Variants in LINGO2 observed in about 807,000 individuals in gnomAD.
LINGO2 encodes the protein leucine rich repeat and Ig domain containing 2.
A neutral mutation model predicts 30.6 loss-of-function variants in LINGO2; 14 were observed. The observed-to-expected ratio is 0.46, with a 90% CI of 0.30 to 0.72. LINGO2 has a LOEUF of 0.72. LINGO2 is among the 30% of genes least tolerant of loss of function. The probability of loss-of-function intolerance (pLI) is 0.07; values close to 1 mark genes in which losing one functional copy is unlikely to be tolerated. For missense variants in LINGO2, 729 were observed against 751.7 expected (o/e 0.97, Z 0.35); for synonymous variants, 317 against 288.5 (o/e 1.10, Z -1.00).
chr9:28,773,038 A>G, the LINGO2 span, among the ~76,000 whole-genome samples: 1 of 152,142 alleles, frequency 6.6e-6, no homozygotes, highest in African/African-American at 2.4e-5. Flanking sequence ...TGAAATGCTC[A>G]GTTAGGTTAG....
At chr9:28,884,755 TTATA>T in the LINGO2 span, among the ~76,000 whole-genome samples, 3 of 74,356 alleles carry the variant, frequency 4.0e-5, no homozygotes. Flanking sequence ...CACATACACA[TTATA>T]TATAGTGTGT....
the LINGO2 span, among the ~76,000 whole-genome samples, chr9:29,070,308 G>A: frequency 6.6e-6 from 1 of 152,006 alleles, no homozygotes; most frequent in Non-Finnish European, 1.5e-5. Context: ...CTTCATCAGG[G>A]AACAATATCA....
At chr9:29,177,739 A>G in the LINGO2 span, among the ~76,000 whole-genome samples, 1 of 152,168 alleles carries the variant, frequency 6.6e-6, no homozygotes, top group Non-Finnish European at 1.5e-5. Context: ...ATTTAGGTTG[A>G]GGATAAAAGG....
chr9:27,942,350 A>G, the LINGO2 span: 1 of 151,910 alleles, frequency 6.6e-6, no homozygotes, highest in Non-Finnish European at 1.5e-5. Flanking sequence ...AAATATTTTT[A>G]TACGACTCCG....
At chr9:28,309,303 A>G (rs954784716) in intron 3 of LINGO2, among the ~76,000 whole-genome samples, 3 of 152,102 alleles carry the variant, frequency 2.0e-5, no homozygotes, top group Non-Finnish European at 4.4e-5. Context: ...GAAATTGGAA[A>G]TCCTCATTCT....
the LINGO2 span, among the ~76,000 whole-genome samples, chr9:28,862,546 T>C: frequency 6.6e-6 from 1 of 152,108 alleles, no homozygotes; most frequent in East Asian, 1.9e-4. Context: ...CCCAACCTTA[T>C]AGAGCATATG....
intron 4 of LINGO2, among the ~76,000 whole-genome samples, chr9:28,168,673 T>A (rs997574152): frequency 6.6e-6 from 1 of 152,260 alleles, no homozygotes; most frequent in Non-Finnish European, 1.5e-5. Context: ...ATATGACGCA[T>A]ATTGCTCTAA....
At chr9:28,154,643 C>A (rs907571761) in intron 4 of LINGO2, among the ~76,000 whole-genome samples, 6 of 152,296 alleles carry the variant, frequency 3.9e-5, no homozygotes, top group East Asian at 1.9e-4. Context: ...TAAAGAATGA[C>A]AGTGTGCAAT....
At chr9:28,573,205 TAAGTA>T (rs1157027676) in intron 1 of LINGO2, among the ~76,000 whole-genome samples, 3 of 152,154 alleles carry the variant, frequency 2.0e-5, no homozygotes, top group African/African-American at 4.8e-5. Context: ...GTCAGTCACA[TAAGTA>T]AAGAGAAGGT....
intron 1 of LINGO2, among the ~76,000 whole-genome samples, chr9:28,641,738 G>C (rs72715222): frequency 0.021 from 3,218 of 152,252 alleles, 67 homozygotes; most frequent in Non-Finnish European, 0.032. Context: ...TCAAAATCAG[G>C]GTTATGGGCA....
intron 1 of LINGO2, among the ~76,000 whole-genome samples, chr9:28,559,948 C>G (rs1822953654): frequency 6.6e-6 from 1 of 152,002 alleles, no homozygotes; most frequent in Non-Finnish European, 1.5e-5. Flanking sequence ...TATTCTCCAA[C>G]ATCTGTACAT....
chr9:28,554,401 AAGG>A (rs1421481853), intron 1 of LINGO2, among the ~76,000 whole-genome samples: 2 of 141,506 alleles, frequency 1.4e-5, no homozygotes, highest in Non-Finnish European at 3.0e-5. Context: ...AGAGACAAAG[AAGG>A]CCATTACATA....
chr9:28,579,337 G>A (rs1824148926), intron 1 of LINGO2, among the ~76,000 whole-genome samples: 1 of 152,016 alleles, frequency 6.6e-6, no homozygotes, highest in South Asian at 2.1e-4. Flanking sequence ...TGAGGGAGGG[G>A]TAATGACAGA....
At chr9:28,978,904 A>G in the LINGO2 span, among the ~76,000 whole-genome samples, 1 of 152,126 alleles carries the variant, frequency 6.6e-6, no homozygotes, top group Non-Finnish European at 1.5e-5. Flanking sequence ...TTTAGTCTGT[A>G]AAAGTATATA....
chr9:28,195,524 TATC>T (rs58313253), intron 4 of LINGO2, among the ~76,000 whole-genome samples: 23,019 of 150,168 alleles, frequency 0.15, 1,911 homozygotes, highest in South Asian at 0.28. Context: ...TAAAAATAAA[TATC>T]ATAATTATAA....
intron 4 of LINGO2, among the ~76,000 whole-genome samples, chr9:28,286,736 A>G (rs1823522145): frequency 6.6e-6 from 1 of 152,150 alleles, no homozygotes; most frequent in South Asian, 2.1e-4. Context: ...TCATGTTCTC[A>G]CTTATAAGTG....
the LINGO2 span, among the ~76,000 whole-genome samples, chr9:29,160,397 T>G: frequency 6.6e-6 from 1 of 152,354 alleles, no homozygotes; most frequent in African/African-American, 2.4e-5. Flanking sequence ...TTCCTTGGTT[T>G]ACTGATCAAT....
chr9:28,093,544 G>A (rs553545141), intron 4 of LINGO2, among the ~76,000 whole-genome samples: 5 of 151,684 alleles, frequency 3.3e-5, no homozygotes, highest in Non-Finnish European at 5.9e-5. Context: ...TTTTTTAACC[G>A]TCACTTTTGC....
At chr9:28,038,504 T>C (rs1390320680) in intron 4 of LINGO2, among the ~76,000 whole-genome samples, 1 of 151,984 alleles carries the variant, frequency 6.6e-6, no homozygotes, top group East Asian at 1.9e-4. Context: ...CCATCCCGGC[T>C]AAAACGGTGA....
Sources: allele counts gnomAD v4.1 joint callset (sites outside exome capture counted in the v4.1 genomes callset), GRCh38; gene constraint gnomAD v4.1.1; transcripts MANE v1.5; gene names NCBI Gene and HGNC (gene_info 2026-07-23, HGNC 2026-07-21).